Variants in FMNL2 observed in about 807,000 individuals in gnomAD.
The protein encoded by FMNL2 is formin like 2, also known as formin-like protein 2.
In FMNL2, 51 loss-of-function variants were observed where a neutral mutation model predicts 130.2. The ratio of observed to expected loss-of-function variants is 0.39; its 90% CI spans 0.31 to 0.49. The LOEUF (loss-of-function observed/expected upper bound fraction) is 0.49. Ranked by LOEUF, FMNL2 falls within the 20% of genes least tolerant of loss-of-function variation. The probability of loss-of-function intolerance (pLI) is 0.85; values close to 1 mark genes in which losing one functional copy is unlikely to be tolerated. For synonymous variants in FMNL2, 465 were observed against 467.1 expected, an observed-to-expected ratio of 1.00 and a Z score of 0.06; for missense variants, 977 against 1,316.2, an observed-to-expected ratio of 0.74 and a Z score of 3.99.
At chr2:152,422,541 G>A (rs1686975556) in intron 1 of FMNL2, among the ~76,000 whole-genome samples, 1 of 151,610 alleles carries the variant, frequency 6.6e-6, no homozygotes. Context: ...AGTTTTCCTT[G>A]GGAGACAGGG....
At chr2:152,606,232 G>A (rs1698350529) in intron 9 of FMNL2, among the ~76,000 whole-genome samples, 1 of 152,244 alleles carries the variant, frequency 6.6e-6, no homozygotes, top group Admixed American at 6.5e-5. Context: ...AGTTTAGCAT[G>A]TGAAACCTGG....
chr2:152,571,381 C>A (rs1454897315), intron 6 of FMNL2, among the ~76,000 whole-genome samples: 3 of 152,148 alleles, frequency 2.0e-5, no homozygotes. Context: ...TGCCAATTAT[C>A]CATGGGAGTC....
chr2:152,516,952 T>G (rs1172474242), intron 1 of FMNL2, among the ~76,000 whole-genome samples: 2 of 151,408 alleles, frequency 1.3e-5, no homozygotes, highest in African/African-American at 4.9e-5. Context: ...CAAAAGGTTC[T>G]GAGATGGAAA....
chr2:152,497,314 A>AT (rs1052414145), intron 1 of FMNL2, among the ~76,000 whole-genome samples: 24 of 151,018 alleles, frequency 1.6e-4, no homozygotes, highest in East Asian at 3.9e-4. Context: ...ATTTGTGTGC[A>AT]TTTTTTTTTG....
intron 1 of FMNL2, among the ~76,000 whole-genome samples, chr2:152,339,269 CA>C (rs11343380): frequency 0.48 from 72,619 of 150,490 alleles, 19,541 homozygotes; most frequent in Non-Finnish European, 0.62. Flanking sequence ...CTTCTTCTTC[CA>C]AGTGTGGCCC....
chr2:152,606,629 CTTTTTTTTTTTT>C (rs70974875), intron 9 of FMNL2, among the ~76,000 whole-genome samples: 1 of 105,480 alleles, frequency 9.5e-6, no homozygotes, highest in African/African-American at 3.5e-5. Flanking sequence ...TTTTTTGACT[CTTTTTTTTTTTT>C]TTTTTTTTTT....
intron 6 of FMNL2, among the ~76,000 whole-genome samples, chr2:152,570,517 A>G (rs1018854603): frequency 5.3e-5 from 8 of 152,182 alleles, no homozygotes; most frequent in Admixed American, 4.6e-4. Flanking sequence ...GTGTACAAGC[A>G]TCCAGGGCCC....
chr2:152,622,950 C>CT (rs1043617072), intron 15 of FMNL2, among the ~76,000 whole-genome samples: 4 of 152,022 alleles, frequency 2.6e-5, no homozygotes, highest in Non-Finnish European at 5.9e-5. Context: ...CTCCAGGGAG[C>CT]ACTCACCCGC....
At position 152,647,836 on chromosome 2, in the gene FMNL2, G is replaced by A. The variant is rs760637815; in HGVS notation, c.3210G>A (p.Arg1070=). ...NQPYRRADAV[R]RSVRRRFDDQ... ...CATACAGACGAGCCGATGCGGTGAG[G>A]AGAAGCGTCAGGCGGCGCTTTGATG... is the stretch of plus-strand genomic sequence containing the variant. Residue 1070 remains arginine (R), a synonymous_variant, in exon 26 of 26, where the codon AGG becomes AGA. Transcript: ENST00000288670. 1 of 1,613,964 alleles carries A rather than the reference G, an allele frequency of 6.2e-7. No individual in the cohort carries two copies. The highest frequency in any genetic ancestry group is 8.5e-7 in the Non-Finnish European group (1 of 1,179,868).
At chr2:152,402,069 A>AT (rs1188557023) in intron 1 of FMNL2, among the ~76,000 whole-genome samples, 2 of 151,628 alleles carry the variant, frequency 1.3e-5, no homozygotes, top group East Asian at 1.9e-4. Context: ...CACCCAGCTA[A>AT]TTTTTTGTAT....
intron 1 of FMNL2, 132 bp from the exon 2 acceptor site, chr2:152,521,811 A>T: frequency 2.8e-6 from 2 of 716,530 alleles, no homozygotes; most frequent in Non-Finnish European, 4.8e-6. Context: ...GTTTTGGTTT[A>T]ATCAGATACT....
intron 1 of FMNL2, among the ~76,000 whole-genome samples, chr2:152,351,132 A>C (rs149972696): frequency 1.3e-5 from 2 of 152,158 alleles, no homozygotes; most frequent in Non-Finnish European, 2.9e-5. Flanking sequence ...AAATACCTGA[A>C]GTTGCCCATG....
At chr2:152,433,800 TAGTTCTTCCCCC>T (rs1442488145) in intron 1 of FMNL2, among the ~76,000 whole-genome samples, 1 of 152,224 alleles carries the variant, frequency 6.6e-6, no homozygotes, top group Non-Finnish European at 1.5e-5. Flanking sequence ...TGATTTCTTC[TAGTTCTTCCCCC>T]ATAATTGGCC....
intron 3 of FMNL2, among the ~76,000 whole-genome samples, chr2:152,546,487 A>G (rs2105514627): frequency 6.6e-6 from 1 of 152,202 alleles, no homozygotes; most frequent in East Asian, 1.9e-4. Flanking sequence ...TTCAGGCGCT[A>G]TCTGCCCCCA....
Position 152,498,254 on chromosome 2 carries a change from A to G in FMNL2, c.118-23689A>G, listed in dbSNP as rs16831237. On this transcript the variant is annotated intron_variant, in intron 1 of 25. Transcript: ENST00000288670. Reference sequence around the variant, plus strand: ...CACCTTTTACCATGTAGCATACTATAGGTAGAATTGCAAGATAGCCTCCAA... The same window carrying G: ...CACCTTTTACCATGTAGCATACTATGGGTAGAATTGCAAGATAGCCTCCAA... Among the ~76,000 whole-genome samples, 999 of 152,314 alleles carry G rather than the reference A, an allele frequency of 6.6e-3. 13 individuals are homozygous for G. Among genetic ancestry groups the G allele is most frequent in the African/African-American group, 0.023 (953 of 41,572 alleles).
chr2:152,631,069 C>G (rs1682125231), intron 20 of FMNL2, among the ~76,000 whole-genome samples: 1 of 151,992 alleles, frequency 6.6e-6, no homozygotes, highest in Non-Finnish European at 1.5e-5. Flanking sequence ...AAATTAGGCA[C>G]AGTGAGAGAT....
intron 1 of FMNL2, among the ~76,000 whole-genome samples, chr2:152,347,089 T>TCA (rs1553864161): frequency 4.4e-5 from 1 of 22,642 alleles, no homozygotes; most frequent in Non-Finnish European, 2.2e-4. Context: ...ATATTCCGTC[T>TCA]CAAAAAAAAA....
At chr2:152,615,653 AT>A (rs1371946367) in intron 12 of FMNL2, among the ~76,000 whole-genome samples, 1 of 152,180 alleles carries the variant, frequency 6.6e-6, no homozygotes, top group African/African-American at 2.4e-5. Flanking sequence ...TTATTTGTTC[AT>A]TCATTAACCA....
At chr2:152,584,200 G>T (rs3811573) in intron 9 of FMNL2, among the ~76,000 whole-genome samples, 9,602 of 151,536 alleles carry the variant, frequency 0.063, 759 homozygotes, top group East Asian at 0.19. Context: ...GGAATCTTCT[G>T]GTTTTATAAT....
Sources: gnomAD v4.1 joint callset for allele counts (sites outside exome capture counted in the v4.1 genomes callset) on GRCh38, gnomAD v4.1.1 for gene constraint, MANE v1.5 for transcripts, NCBI Gene and HGNC (gene_info 2026-07-23, HGNC 2026-07-21) for gene names.